KIF1A: variants seen among roughly 807,000 people sequenced by gnomAD.
The protein encoded by KIF1A is kinesin family member 1A.
KIF1A carries 46 observed loss-of-function variants against 227.3 expected under a neutral mutation model. That is an observed-to-expected ratio of 0.20 (90% confidence interval 0.16 to 0.26). The LOEUF (loss-of-function observed/expected upper bound fraction) is 0.26. Ranked by LOEUF, KIF1A falls within the 10% of genes least tolerant of loss-of-function variation. The pLI is 1.00. For synonymous variants in KIF1A, 1,022 were observed against 1,012.8 expected, an observed-to-expected ratio of 1.01 and a Z score of -0.17; for missense variants, 1,683 against 2,485.9, an observed-to-expected ratio of 0.68 and a Z score of 6.87.
At chr2:240,797,519 C>T (rs976498956) in intron 2 of KIF1A, 128 bp downstream of exon 2, 28 of 658,920 alleles carry the variant, frequency 4.2e-5, no homozygotes, top group Middle Eastern at 2.8e-4. Flanking sequence ...GACACCCACA[C>T]GCCACATAGA....
At position 240,820,204 on chromosome 2, in the gene KIF1A, G is replaced by C. The variant is rs1042872716; in HGVS notation, c.-143C>G. 57 of 149,640 alleles carry C rather than the reference G, an allele frequency of 3.8e-4. No homozygotes were observed. The highest frequency in any genetic ancestry group is 1.2e-3 in the African/African-American group (49 of 41,198). 9.3% of individuals were successfully genotyped at this position (149,640 alleles called of 1,614,324 possible). ...GAGCCCGGAGCTGCTGCCGCTCGCC[G>C]GCTGCTCTGCGCTGTGACGGCGCCG... On this transcript the variant is annotated 5_prime_UTR_variant, in exon 1 of 49. Coordinates refer to ENST00000498729, the MANE Select transcript of KIF1A (RefSeq NM_001244008.2). This position sits in a 1 kb window ranked among gnomAD's most constrained non-coding sequence, Gnocchi z 6.2.
intron 1 of KIF1A, among the ~76,000 whole-genome samples, chr2:240,805,034 AGGGGAGGGAAGT>A (rs1221602055): frequency 2.7e-5 from 3 of 113,204 alleles, no homozygotes; most frequent in African/African-American, 9.7e-5. Flanking sequence ...AGGGGAGGGG[AGGGGAGGGAAGT>A]GGGGAGGGAG....
chr2:240,816,264 A>G (rs1025010341), intron 1 of KIF1A, among the ~76,000 whole-genome samples: 2 of 151,818 alleles, frequency 1.3e-5, no homozygotes, highest in African/African-American at 4.8e-5. Context: ...GTGAGTGTGC[A>G]TGAGCATGCA....
At chr2:240,780,830 C>CCACACACACACACACACACACACACACA (rs772178620) in intron 10 of KIF1A, among the ~76,000 whole-genome samples, 7 of 10,072 alleles carry the variant, frequency 6.9e-4, no homozygotes, top group Non-Finnish European at 1.1e-3. Flanking sequence ...ACACACAGCT[C>CCACACACACACACACACACACACACACA]CACACACACA....
chr2:240,756,037 GA>G (rs1364382617), intron 27 of KIF1A, among the ~76,000 whole-genome samples: 2 of 152,122 alleles, frequency 1.3e-5, no homozygotes, highest in African/African-American at 4.8e-5. Flanking sequence ...TAACACTCAT[GA>G]AAAATTAATC....
chr2:240,808,894 C>A (rs1299262903), intron 1 of KIF1A, among the ~76,000 whole-genome samples: 1 of 152,072 alleles, frequency 6.6e-6, no homozygotes, highest in Non-Finnish European at 1.5e-5. Context: ...CCACGCCCGG[C>A]TAATTTTTTG....
chr2:240,807,076 ATATGTGTGTGTGTG>A (rs2057462175), intron 1 of KIF1A, among the ~76,000 whole-genome samples: 4 of 73,194 alleles, frequency 5.5e-5, no homozygotes, highest in African/African-American at 3.1e-4. Context: ...ATCCTCATAT[ATATGTGTGTGTGTG>A]TGTGTGTGTG....
At chr2:240,742,325 G>C (rs540972113) in intron 34 of KIF1A, among the ~76,000 whole-genome samples, 1 of 152,136 alleles carries the variant, frequency 6.6e-6, no homozygotes, top group East Asian at 1.9e-4. Context: ...CTTCAGGAGG[G>C]TTTCTGGGCT....
intron 17 of KIF1A, among the ~76,000 whole-genome samples, chr2:240,768,610 C>T (rs918068343): frequency 1.3e-5 from 2 of 152,158 alleles, no homozygotes; most frequent in African/African-American, 4.8e-5. Flanking sequence ...GATGGGGGCA[C>T]AGGAGTCATA....
chr2:240,746,017 G>A (rs778342037), intron 30 of KIF1A, 22 bp downstream of exon 30: 4 of 1,606,876 alleles, frequency 2.5e-6, no homozygotes, highest in Non-Finnish European at 3.4e-6. Context: ...TACGCCCTGG[G>A]CAGCTGGGGT....
intron 33 of KIF1A, among the ~76,000 whole-genome samples, chr2:240,743,233 C>T (rs541843907): frequency 2.6e-4 from 39 of 152,286 alleles, no homozygotes; most frequent in African/African-American, 7.7e-4. Flanking sequence ...CTCAGGCACT[C>T]GCGAGGACAG....
rs372648690 is a variant in KIF1A, at chr2:240,775,053, T to G, written c.959-792A>C. 5.4e-4 allele frequency among the ~76,000 whole-genome samples: 83 copies of G among 152,310 alleles called. 1 individual carries two copies. In the South Asian group the frequency reaches 0.017, roughly 31 times the overall value. On this transcript the variant is annotated intron_variant, in intron 11 of 48. Transcript: ENST00000498729. This position sits in a 1 kb window ranked among gnomAD's most constrained non-coding sequence, Gnocchi z 5.5. ...CCCTGGGACTGAACCTGGGTGTGCC[T>G]GGAGCAGGCGGCTCCTTCCCAGCCC...
At chr2:240,813,171 G>A (rs981569970) in intron 1 of KIF1A, among the ~76,000 whole-genome samples, 4 of 152,266 alleles carry the variant, frequency 2.6e-5, no homozygotes, top group African/African-American at 9.6e-5. Context: ...ACCACAGCAG[G>A]TTTTTCTTAG....
rs755980146 is a variant in KIF1A, at chr2:240,750,411, C to A, written c.2977+18G>T. 1 of 1,588,396 alleles carries A rather than the reference C, an allele frequency of 6.3e-7. No individual in the cohort carries two copies. Among genetic ancestry groups the A allele is most frequent in the Admixed American group, 1.7e-5 (1 of 59,886 alleles). On this transcript the variant is annotated intron_variant, in intron 28 of 48. Coordinates refer to ENST00000498729, the MANE Select transcript of KIF1A (RefSeq NM_001244008.2). ...CCAGGGGCTCCAATGCCACACACGG[C>A]CTTTGGCCCACACGCACCTGAGATG...
chr2:240,774,060 C>T lies in KIF1A; in HGVS notation c.1037+123G>A. On this transcript the variant is annotated intron_variant, in intron 12 of 48. Coordinates refer to ENST00000498729, the MANE Select transcript of KIF1A (RefSeq NM_001244008.2). ...ACAGTCTCTTCCAGCCTCACAGAGTCCAGGGTATACCCCTCACAAAGAGTC... is the reference window on the plus strand; with the variant it reads ...ACAGTCTCTTCCAGCCTCACAGAGTTCAGGGTATACCCCTCACAAAGAGTC... 1.5e-5 allele frequency: 9 copies of T among 588,908 alleles called. No homozygotes were observed. The South Asian group carries it at 2.2e-4, about 15-fold the overall frequency. The allele number at this position is 588,908 out of a possible 1,614,324, so 36.5% of individuals were successfully genotyped here. A position where few individuals can be genotyped will look rare whatever the true frequency, so the allele number is the denominator to read the frequency against.
intron 5 of KIF1A, 116 bp downstream of exon 5, chr2:240,787,135 G>A (rs900753910): frequency 2.4e-6 from 2 of 831,858 alleles, no homozygotes; most frequent in South Asian, 2.9e-5. Context: ...ATGAGTGAGG[G>A]ACAAGCTGGG....
At chr2:240,770,170 A>G (rs1454941950) in intron 15 of KIF1A, among the ~76,000 whole-genome samples, 1 of 152,096 alleles carries the variant, frequency 6.6e-6, no homozygotes, top group Non-Finnish European at 1.5e-5. Context: ...CCTTCCTCAC[A>G]ACAGCCTCAG....
chr2:240,752,350 C>T lies in KIF1A; in HGVS notation c.2859-1803G>A, dbSNP rs532760795. Among the ~76,000 whole-genome samples, 94 of 152,250 alleles carry T rather than the reference C, an allele frequency of 6.2e-4. No homozygotes were observed. Among genetic ancestry groups the T allele is most frequent in the African/African-American group, 2.2e-3 (90 of 41,564 alleles). On this transcript the variant is annotated intron_variant, in intron 27 of 48. Coordinates refer to ENST00000498729, the MANE Select transcript of KIF1A (RefSeq NM_001244008.2). This position sits in a 1 kb window ranked among gnomAD's most constrained non-coding sequence, Gnocchi z 6.4. ...CCCTGGCCCTAGTCACGAGAGGACACTGAGGCCCACAGGGCGGGGCCCCTC... is the reference window on the plus strand; with the variant it reads ...CCCTGGCCCTAGTCACGAGAGGACATTGAGGCCCACAGGGCGGGGCCCCTC...
At position 240,741,287 on chromosome 2, in the gene KIF1A, T is replaced by A; in HGVS notation, c.3731A>T (p.Glu1244Val). Residue 1244 changes from glutamate (E) to valine (V), a missense_variant, in exon 35 of 49, where the codon GAG becomes GTG. Glu to Val is a moderately radical substitution (Grantham distance 121). Transcript: ENST00000498729. ...CACTCACTCGCCGTTGGCCTCCAGCTCACAGATCTCGAAGTAGACCAGCAG... is the reference window on the plus strand; with the variant it reads ...CACTCACTCGCCGTTGGCCTCCAGCACACAGATCTCGAAGTAGACCAGCAG... ...YDLLVYFEICELEANGDYIPA... is the reference protein window; with the variant it reads ...YDLLVYFEICVLEANGDYIPA... The A allele has an allele frequency of 6.3e-7, 1 of 1,596,534 alleles. No individual in the cohort carries two copies. The highest frequency in any genetic ancestry group is 1.1e-5 in the South Asian group (1 of 88,404).
Sources: gnomAD v4.1 joint callset for allele counts (sites outside exome capture counted in the v4.1 genomes callset) on GRCh38, gnomAD v4.1.1 for gene constraint, Gnocchi (gnomAD v3.1) non-coding constraint, MANE v1.5 for transcripts, NCBI Gene and HGNC (gene_info 2026-07-23, HGNC 2026-07-21) for gene names.